ATP2B1: variants seen among roughly 807,000 people sequenced by gnomAD.
The protein encoded by ATP2B1 is ATPase plasma membrane Ca2+ transporting 1.
ATP2B1 carries 14 observed loss-of-function variants against 124.2 expected under a neutral mutation model. The observed-to-expected ratio is 0.11, with a 90% CI of 0.07 to 0.18. The LOEUF (loss-of-function observed/expected upper bound fraction) is 0.18, where lower values mean the gene tolerates loss of function less well. Among genes scored for constraint, ATP2B1 ranks in the 10% least tolerant of loss-of-function variants. ATP2B1 has a pLI of 1.00. For synonymous variants in ATP2B1, 449 were observed against 492.4 expected (o/e 0.91, Z 1.17); for missense variants, 763 against 1,466.1 (o/e 0.52, Z 7.83).
intron 6 of ATP2B1, among the ~76,000 whole-genome samples, chr12:89,628,524 A>G (rs1881314812): frequency 6.6e-6 from 1 of 152,172 alleles, no homozygotes; most frequent in African/African-American, 2.4e-5. Context: ...CTAGAATACG[A>G]ATGTATAGAA....
intron 2 of ATP2B1, 108 bp from the exon 3 acceptor site, chr12:89,642,463 T>C (rs1592835392): frequency 1.9e-6 from 2 of 1,045,744 alleles, no homozygotes; most frequent in Non-Finnish European, 2.8e-6. Flanking sequence ...TACCAAAATG[T>C]TTACTTTCAT....
At chr12:89,619,048 T>C (rs897989703) in intron 11 of ATP2B1, among the ~76,000 whole-genome samples, 8 of 152,232 alleles carry the variant, frequency 5.3e-5, no homozygotes, top group African/African-American at 1.9e-4. Flanking sequence ...TCACCACCTT[T>C]AATAACAAAT....
rs1461216851 is a variant in ATP2B1, at chr12:89,677,971, T to TATATATATATATATATATATATACAC, written c.-221-21865_-221-21864insGTGTATATATATATATATATATATAT. Among the ~76,000 whole-genome samples the TATATATATATATATATATATATACAC allele has an allele frequency of 3.4e-3, 179 of 52,024 alleles. 2 individuals carry two copies. The highest frequency in any genetic ancestry group is 4.9e-3 in the Non-Finnish European group (121 of 24,906). 34.1% of individuals were successfully genotyped at this position (52,024 alleles called of 152,430 possible). ...TGCAGGAATTATATATATATATATA[T>TATATATATATATATATATATATACAC]ACACACACACACACACACACACACA... On this transcript the variant is annotated intron_variant, in intron 1 of 20. Transcript: ENST00000428670.
Position 89,603,216 on chromosome 12 carries a change from G to A in ATP2B1, c.2887C>T (p.Pro963Ser). Residue 963 changes from proline to serine, a missense_variant, in exon 18 of 21, where the codon CCT becomes TCT. By Grantham distance (74) the Pro-to-Ser change is moderately conservative. Coordinates refer to ENST00000428670, the MANE Select transcript of ATP2B1 (RefSeq NM_001366521.1). The surrounding 1 kb of genome is among the most constrained non-coding windows in gnomAD (Gnocchi z 4.3). ...TGTTCTGAAGGAGGAGCATGCAAAG[G>A]AGCATTTCTTCCACTATCAATGTCA... Reference protein sequence around the residue: ...FFDIDSGRNAPLHAPPSEHYT... With the variant: ...FFDIDSGRNASLHAPPSEHYT... The A allele has an allele frequency of 6.2e-7, 1 of 1,610,954 alleles. No individual in the cohort carries two copies. The highest frequency in any genetic ancestry group is 8.5e-7 in the Non-Finnish European group (1 of 1,178,420).
intron 3 of ATP2B1, chr12:89,641,917 T>C (rs1883584913): frequency 6.4e-6 from 3 of 471,444 alleles, no homozygotes; most frequent in East Asian, 3.8e-5. Context: ...GCCAGACACA[T>C]AGTAAGCATA....
chr12:89,601,708 C>T (rs917474634), intron 18 of ATP2B1, among the ~76,000 whole-genome samples: 7 of 152,070 alleles, frequency 4.6e-5, no homozygotes, highest in East Asian at 1.9e-4. Flanking sequence ...GTTTAAATTA[C>T]GCTTACTAAA....
At position 89,605,106 on chromosome 12, in the gene ATP2B1, C is replaced by T. The variant is rs115866211; in HGVS notation, c.2443-760G>A. 2.3e-3 allele frequency among the ~76,000 whole-genome samples: 348 copies of T among 152,196 alleles called. 2 individuals carry two copies. The highest frequency in any genetic ancestry group is 8.0e-3 in the African/African-American group (333 of 41,512). On this transcript the variant is annotated intron_variant, in intron 15 of 20. Transcript: ENST00000428670. ...TGCTGAATAAAGAAGATGAACTCAA[C>T]ACATAATGTATGACTCTTCTGTACA... is the stretch of plus-strand genomic sequence containing the variant.
At chr12:89,610,127 T>A in intron 14 of ATP2B1, 84 bp from the exon 15 acceptor site, 1 of 1,235,294 alleles carries the variant, frequency 8.1e-7, no homozygotes, top group Non-Finnish European at 1.1e-6. Context: ...GTCGGTTTTA[T>A]AGACTCAAGG....
At chr12:89,675,362 G>A (rs142568831) in intron 1 of ATP2B1, among the ~76,000 whole-genome samples, 223 of 152,200 alleles carry the variant, frequency 1.5e-3, no homozygotes, top group African/African-American at 4.5e-3. Context: ...GTCAACTTAC[G>A]TCTTTCAGAA....
chr12:89,617,427 TAAGGTAAA>T (rs765038644), intron 11 of ATP2B1, among the ~76,000 whole-genome samples: 3 of 152,194 alleles, frequency 2.0e-5, no homozygotes, highest in Non-Finnish European at 2.9e-5. Context: ...TTTCTTCTTT[TAAGGTAAA>T]AAGCCAAGCG....
intron 1 of ATP2B1, among the ~76,000 whole-genome samples, chr12:89,690,453 T>C (rs1398035412): frequency 6.6e-6 from 1 of 151,936 alleles, no homozygotes; most frequent in Non-Finnish European, 1.5e-5. Context: ...ATACTGTTGT[T>C]TATCAGAGGC....
chr12:89,683,276 G>A (rs1199123163), intron 1 of ATP2B1, among the ~76,000 whole-genome samples: 1 of 152,136 alleles, frequency 6.6e-6, no homozygotes, highest in East Asian at 1.9e-4. Flanking sequence ...CAGCCATGTG[G>A]AGAGGTTGTA....
intron 1 of ATP2B1, among the ~76,000 whole-genome samples, chr12:89,696,141 A>G (rs1189779218): frequency 1.3e-5 from 2 of 152,208 alleles, no homozygotes; most frequent in Non-Finnish European, 2.9e-5. Context: ...TGTGAACAAC[A>G]AAATATGAAT....
chr12:89,675,476 T>C (rs6538197), intron 1 of ATP2B1, among the ~76,000 whole-genome samples: 139,239 of 152,130 alleles, frequency 0.92, 64,196 homozygotes, highest in East Asian at 0.99. Context: ...ATTATTATTT[T>C]GAATTTTGAG....
At chr12:89,672,059 GCAA>G (rs1888063149) in intron 1 of ATP2B1, among the ~76,000 whole-genome samples, 1 of 152,152 alleles carries the variant, frequency 6.6e-6, no homozygotes, top group South Asian at 2.1e-4. Context: ...GTAGAAAGAA[GCAA>G]CAACGAAATG....
At position 89,627,699 on chromosome 12, in the gene ATP2B1, C is replaced by T. The variant is rs1471628978; in HGVS notation, c.946G>A (p.Ala316Thr). 6.2e-7 allele frequency: 1 copy of T among 1,613,924 alleles called. No homozygotes were observed. Among genetic ancestry groups the T allele is most frequent in the Non-Finnish European group, 8.5e-7 (1 of 1,179,944 alleles). The change falls in exon 7 of 21, where the codon GCT (alanine) becomes ACT (threonine). Residue 316 changes from alanine (A) to threonine (T), a missense_variant. Transcript: ENST00000428670. The part of the protein sequence containing the change: ...KEKKNKKQDG[A>T]IENRNKAKAQ... ...TTACCTTTGTTGCGATTCTCAATAG[C>T]TCCATCTTGTTTCTTATCTGTAGGA...
intron 1 of ATP2B1, among the ~76,000 whole-genome samples, chr12:89,684,907 T>A (rs1353558390): frequency 2.6e-5 from 4 of 152,162 alleles, no homozygotes; most frequent in Non-Finnish European, 5.9e-5. Flanking sequence ...TACAGAAAAA[T>A]TCATTTCAAT....
intron 1 of ATP2B1, among the ~76,000 whole-genome samples, chr12:89,672,149 T>G (rs1160257299): frequency 6.6e-6 from 1 of 152,242 alleles, no homozygotes; most frequent in African/African-American, 2.4e-5. Context: ...GGTTTCATTT[T>G]TCTTATGTGT....
intron 1 of ATP2B1, among the ~76,000 whole-genome samples, chr12:89,707,616 G>A (rs1394806864): frequency 6.6e-6 from 1 of 152,172 alleles, no homozygotes; most frequent in Admixed American, 6.5e-5. Flanking sequence ...GCCTGTCGAG[G>A]AGGGTCGAGC....
Sources: allele counts gnomAD v4.1 joint callset (sites outside exome capture counted in the v4.1 genomes callset), GRCh38; gene constraint gnomAD v4.1.1; non-coding constraint Gnocchi (gnomAD v3.1); transcripts MANE v1.5; gene names NCBI Gene and HGNC (gene_info 2026-07-23, HGNC 2026-07-21).